The following PSMD1 variants were observed in gnomAD, a reference collection of about 807,000 sequenced individuals.
PSMD1 encodes the protein 26S proteasome non-ATPase regulatory subunit 1.
A neutral mutation model predicts 119.0 loss-of-function variants in PSMD1; 18 were observed. That is an observed-to-expected ratio of 0.15 (90% CI 0.10 to 0.22). The LOEUF is 0.22. PSMD1 is among the 10% of genes least tolerant of loss of function. The pLI is 1.00. For missense variants in PSMD1, 702 were observed against 1,158.5 expected, an observed-to-expected ratio of 0.61 and a Z score of 5.72; for synonymous variants, 374 against 396.6, an observed-to-expected ratio of 0.94 and a Z score of 0.68.
chr2:231,086,984 T>C, intron 15 of PSMD1, 133 bp from the exon 16 acceptor site: 1 of 617,914 alleles, frequency 1.6e-6, no homozygotes. Context: ...TTTAGAGGTG[T>C]GCAACATAAT....
chr2:231,068,734 A>G (rs1479667569), intron 5 of PSMD1, among the ~76,000 whole-genome samples: 1 of 152,218 alleles, frequency 6.6e-6, no homozygotes, highest in Admixed American at 6.5e-5. Context: ...CTGTCGCAAT[A>G]TCACAGTGCT....
chr2:231,112,813 C>A (rs6437000), intron 16 of PSMD1, among the ~76,000 whole-genome samples: 70,543 of 151,946 alleles, frequency 0.46, 19,918 homozygotes, highest in African/African-American at 0.79. Flanking sequence ...TTCTTTTATA[C>A]ATAATTTCTG....
chr2:231,169,026 A>T (rs1696851404), intron 23 of PSMD1, among the ~76,000 whole-genome samples: 1 of 152,200 alleles, frequency 6.6e-6, no homozygotes, highest in Non-Finnish European at 1.5e-5. Context: ...GAGAACAGAA[A>T]ATCGTATATC....
intron 19 of PSMD1, 70 bp from the exon 20 acceptor site, chr2:231,161,270 C>A: frequency 7.8e-7 from 1 of 1,284,042 alleles, no homozygotes; most frequent in Non-Finnish European, 1.1e-6. Context: ...AGAAAGATAT[C>A]GTTATTATTG....
At chr2:231,087,717 C>T (rs1010188941) in intron 16 of PSMD1, among the ~76,000 whole-genome samples, 2 of 152,136 alleles carry the variant, frequency 1.3e-5, no homozygotes, top group Non-Finnish European at 1.5e-5. Context: ...AATCCCAGCA[C>T]TTTGGGAGGC....
chr2:231,154,445 A>G (rs2125260800), intron 19 of PSMD1, among the ~76,000 whole-genome samples: 1 of 151,036 alleles, frequency 6.6e-6, no homozygotes, highest in South Asian at 2.2e-4. Context: ...CCTGTCACTT[A>G]GTAAAGTGAC....
In PSMD1 at chr2:231,108,826, G is replaced by A. The variant is rs539709485; in HGVS notation, c.1883+21645G>A. On this transcript the variant is annotated intron_variant, in intron 16 of 24. Transcript: ENST00000308696. ...GAAATGTCTTATTGAAGAGGGTGTA[G>A]ACCAAAGGATTCACTCCTGAGGAAA... 53 of 1,614,122 alleles carry A rather than the reference G, an allele frequency of 3.3e-5. No homozygotes were observed. In the South Asian group the frequency reaches 5.2e-4, roughly 16 times the overall value.
At chr2:231,143,803 T>C (rs1182325450) in intron 17 of PSMD1, among the ~76,000 whole-genome samples, 1 of 152,228 alleles carries the variant, frequency 6.6e-6, no homozygotes, top group African/African-American at 2.4e-5. Flanking sequence ...AAAGGACTTC[T>C]TTTTTCATAG....
chr2:231,063,191 G>A lies in PSMD1; in HGVS notation c.304+516G>A, dbSNP rs191222011. 8.0e-3 allele frequency among the ~76,000 whole-genome samples: 1,214 copies of A among 152,234 alleles called. 18 individuals are homozygous for A. The highest frequency in any genetic ancestry group is 0.031 in the Middle Eastern group (9 of 294). On this transcript the variant is annotated intron_variant, in intron 4 of 24. Coordinates refer to ENST00000308696, the MANE Select transcript of PSMD1 (RefSeq NM_002807.4). ...ACCCATACTGTTTCTATTTGTAACC[G>A]TTGTTTTCTTACTTGTTTCCTTATT...
At chr2:231,148,340 G>A (rs1696294113) in intron 18 of PSMD1, among the ~76,000 whole-genome samples, 1 of 152,122 alleles carries the variant, frequency 6.6e-6, no homozygotes, top group African/African-American at 2.4e-5. Flanking sequence ...CATGTTACTT[G>A]TATTGTCAGC....
chr2:231,145,894 C>CAAA (rs36124651), intron 17 of PSMD1, among the ~76,000 whole-genome samples: 41 of 46,544 alleles, frequency 8.8e-4, no homozygotes, highest in African/African-American at 2.4e-3. Context: ...AGCTACATCT[C>CAAA]AAAAAAAAAA....
Position 231,077,916 on chromosome 2 carries a change from T to C in PSMD1, c.1072-743T>C, listed in dbSNP as rs1008762471. Among the ~76,000 whole-genome samples the C allele has an allele frequency of 2.0e-5, 3 of 152,230 alleles. 1 individual carries two copies. The highest frequency in any genetic ancestry group is 4.1e-4 in the South Asian group (2 of 4,836). On this transcript the variant is annotated intron_variant, in intron 9 of 24. Coordinates refer to ENST00000308696, the MANE Select transcript of PSMD1 (RefSeq NM_002807.4). ...AAATGGCAAAAAATATGGAGAATCA[T>C]ATAGTCTCCATTCATGACAATTTAA...
At chr2:231,158,264 T>C (rs1355970585) in intron 19 of PSMD1, among the ~76,000 whole-genome samples, 2 of 152,086 alleles carry the variant, frequency 1.3e-5, no homozygotes, top group South Asian at 2.1e-4. Context: ...GAGCTGAGAT[T>C]GTGCCACCGC....
chr2:231,090,849 G>A (rs1221281835), intron 16 of PSMD1, among the ~76,000 whole-genome samples: 2 of 152,226 alleles, frequency 1.3e-5, no homozygotes, highest in Non-Finnish European at 2.9e-5. Context: ...GGAGTCTGAA[G>A]ATGTGACTGA....
intron 15 of PSMD1, 30 bp downstream of exon 15, chr2:231,085,144 G>A: frequency 6.3e-7 from 1 of 1,580,560 alleles, no homozygotes; most frequent in Non-Finnish European, 8.7e-7. Context: ...TTGGGAATGG[G>A]GTGGACGGAA....
In PSMD1 at chr2:231,078,751, A is replaced by G; in HGVS notation, c.1160+4A>G. ...CAACCAGTGACCAGTTTCTTAGGTA[A>G]ATATGCTTGTTGATTTTCACTTTGG... On this transcript the variant is annotated splice_donor_region_variant and intron_variant, in intron 10 of 24. Coordinates refer to ENST00000308696, the MANE Select transcript of PSMD1 (RefSeq NM_002807.4). The G allele has an allele frequency of 6.5e-7, 1 of 1,545,256 alleles. No homozygotes were observed.
At chr2:231,138,359 G>A (rs1375717417) in intron 16 of PSMD1, among the ~76,000 whole-genome samples, 1 of 152,142 alleles carries the variant, frequency 6.6e-6, no homozygotes, top group Admixed American at 6.5e-5. Flanking sequence ...TACTATAAAT[G>A]ACTTTTGTCT....
intron 16 of PSMD1, among the ~76,000 whole-genome samples, chr2:231,126,675 ATTG>A (rs1291328358): frequency 5.9e-5 from 9 of 151,998 alleles, no homozygotes; most frequent in African/African-American, 1.4e-4. Context: ...AAATGCAGTC[ATTG>A]TTGTATTTTG....
chr2:231,099,419 G>T (rs959801738), intron 16 of PSMD1, among the ~76,000 whole-genome samples: 1 of 152,180 alleles, frequency 6.6e-6, no homozygotes, highest in African/African-American at 2.4e-5. Flanking sequence ...GGGTTTGAAG[G>T]TGGGTCCCTG....
Sources: gnomAD v4.1 joint callset for allele counts (sites outside exome capture counted in the v4.1 genomes callset) on GRCh38, gnomAD v4.1.1 for gene constraint, MANE v1.5 for transcripts, NCBI Gene and HGNC (gene_info 2026-07-23, HGNC 2026-07-21) for gene names.